Variants in SPAG16 observed in about 807,000 individuals in gnomAD.
SPAG16 encodes sperm associated antigen 16.
Under a neutral mutation model 80.4 loss-of-function variants are expected in SPAG16, and 86 were observed. That is an observed-to-expected ratio of 1.07 (90% CI 0.90 to 1.28). The LOEUF (loss-of-function observed/expected upper bound fraction) is 1.28, where lower values mean the gene tolerates loss of function less well. SPAG16 is among the 50% of genes most tolerant of loss of function. SPAG16 has a pLI of 0.00. For missense variants in SPAG16, 870 were observed against 765.3 expected, an observed-to-expected ratio of 1.14 and a Z score of -1.61; for synonymous variants, 294 against 265.9, an observed-to-expected ratio of 1.11 and a Z score of -1.03.
At chr2:213,798,163 AT>A (rs1228738276) in intron 10 of SPAG16, among the ~76,000 whole-genome samples, 1 of 152,138 alleles carries the variant, frequency 6.6e-6, no homozygotes, top group African/African-American at 2.4e-5. Flanking sequence ...CTCTTTTGTT[AT>A]TGACTTGTAA....
chr2:213,890,045 G>T (rs903424839), intron 11 of SPAG16, among the ~76,000 whole-genome samples: 1 of 151,958 alleles, frequency 6.6e-6, no homozygotes, highest in African/African-American at 2.4e-5. Context: ...AATTTCCCTT[G>T]TAGTTACCTT....
At chr2:214,365,287 A>G (rs146006704) in intron 15 of SPAG16, among the ~76,000 whole-genome samples, 4 of 152,338 alleles carry the variant, frequency 2.6e-5, no homozygotes, top group Non-Finnish European at 5.9e-5. Context: ...AACTCTTCAT[A>G]TCAGGATTGC....
At chr2:213,428,757 C>G (rs530293936) in intron 9 of SPAG16, among the ~76,000 whole-genome samples, 1 of 152,046 alleles carries the variant, frequency 6.6e-6, no homozygotes, top group African/African-American at 2.4e-5. Context: ...CAACTTGCTC[C>G]CTTTATTGGG....
At chr2:214,198,062 G>A (rs2057897851) in intron 15 of SPAG16, among the ~76,000 whole-genome samples, 1 of 151,796 alleles carries the variant, frequency 6.6e-6, no homozygotes, top group Non-Finnish European at 1.5e-5. Flanking sequence ...TTTCAAACAT[G>A]GTAGCAGAAT....
intron 15 of SPAG16, among the ~76,000 whole-genome samples, chr2:214,314,915 G>A (rs1444092481): frequency 1.3e-5 from 2 of 151,572 alleles, no homozygotes; most frequent in African/African-American, 4.9e-5. Flanking sequence ...ACTGCATTCA[G>A]CCTGATGGGT....
intron 13 of SPAG16, among the ~76,000 whole-genome samples, chr2:214,050,004 G>T (rs1286992010): frequency 7.9e-5 from 12 of 152,250 alleles, no homozygotes; most frequent in Admixed American, 7.9e-4. Context: ...ATTCCTTTCA[G>T]TGAGAGCTTT....
At chr2:213,825,701 C>CTTTT (rs55777958) in intron 10 of SPAG16, among the ~76,000 whole-genome samples, 230 of 109,598 alleles carry the variant, frequency 2.1e-3, no homozygotes, top group African/African-American at 3.9e-3. Flanking sequence ...TTCTTTCTTT[C>CTTTT]TTTTTTTTTT....
intron 4 of SPAG16, 121 bp downstream of exon 4, chr2:213,310,298 C>T (rs1178831237): frequency 1.8e-5 from 9 of 501,084 alleles, no homozygotes; most frequent in Non-Finnish European, 3.1e-5. Context: ...AAACTTTTCC[C>T]ATCTCCAGCC....
At chr2:214,089,187 C>G (rs2051994271) in intron 13 of SPAG16, among the ~76,000 whole-genome samples, 1 of 151,780 alleles carries the variant, frequency 6.6e-6, no homozygotes, top group Non-Finnish European at 1.5e-5. Flanking sequence ...CAGTATCTTG[C>G]CAGAGTAATC....
intron 10 of SPAG16, among the ~76,000 whole-genome samples, chr2:213,647,967 G>C (rs1574639675): frequency 6.6e-6 from 1 of 152,132 alleles, no homozygotes; most frequent in East Asian, 1.9e-4. Flanking sequence ...AGTGTAGCCA[G>C]GATGTTTAAA....
intron 6 of SPAG16, among the ~76,000 whole-genome samples, chr2:213,340,620 T>C (rs1384312034): frequency 6.6e-6 from 1 of 152,162 alleles, no homozygotes; most frequent in Non-Finnish European, 1.5e-5. Context: ...CGCACAGTGC[T>C]CTTTGCAGAT....
intron 11 of SPAG16, among the ~76,000 whole-genome samples, chr2:213,922,438 T>C (rs1037492950): frequency 6.6e-6 from 1 of 152,206 alleles, no homozygotes; most frequent in African/African-American, 2.4e-5. Flanking sequence ...CATTTTACTG[T>C]GATTCTTAGC....
At chr2:213,669,268 T>C (rs1221652133) in intron 10 of SPAG16, among the ~76,000 whole-genome samples, 1 of 152,210 alleles carries the variant, frequency 6.6e-6, no homozygotes, top group Non-Finnish European at 1.5e-5. Flanking sequence ...CTCATATCAG[T>C]AGCTTATTAC....
intron 15 of SPAG16, among the ~76,000 whole-genome samples, chr2:214,212,167 C>T (rs1381447625): frequency 1.3e-5 from 2 of 151,650 alleles, no homozygotes; most frequent in African/African-American, 4.9e-5. Flanking sequence ...CTTGGTTTAC[C>T]CCTCTCTAAA....
intron 10 of SPAG16, among the ~76,000 whole-genome samples, chr2:213,737,962 AATT>A (rs2067369891): frequency 6.7e-6 from 1 of 150,260 alleles, no homozygotes; most frequent in Admixed American, 6.7e-5. Flanking sequence ...TTTAAGCCAT[AATT>A]ATCACTCATT....
At chr2:213,799,276 AT>A (rs1299141957) in intron 10 of SPAG16, among the ~76,000 whole-genome samples, 9 of 151,966 alleles carry the variant, frequency 5.9e-5, no homozygotes, top group African/African-American at 2.2e-4. Context: ...TCGAGTATAA[AT>A]TTTTCACTTA....
At chr2:213,898,982 G>A (rs1473690238) in intron 11 of SPAG16, among the ~76,000 whole-genome samples, 1 of 152,064 alleles carries the variant, frequency 6.6e-6, no homozygotes, top group Non-Finnish European at 1.5e-5. Context: ...TGTTGCCGCA[G>A]GGAATGAAAA....
intron 9 of SPAG16, among the ~76,000 whole-genome samples, chr2:213,428,304 G>A (rs1206095849): frequency 6.6e-6 from 1 of 152,184 alleles, no homozygotes; most frequent in East Asian, 1.9e-4. Context: ...CAGGCTGTGA[G>A]AGAATACCTT....
chr2:213,655,947 A>C (rs973576883), intron 10 of SPAG16, among the ~76,000 whole-genome samples: 1 of 152,216 alleles, frequency 6.6e-6, no homozygotes, highest in Non-Finnish European at 1.5e-5. Context: ...GGAATTTCCT[A>C]GTCATTTCCA....
Sources: allele counts gnomAD v4.1 joint callset (sites outside exome capture counted in the v4.1 genomes callset), GRCh38; gene constraint gnomAD v4.1.1; transcripts MANE v1.5; gene names NCBI Gene and HGNC (gene_info 2026-07-23, HGNC 2026-07-21).